Variants in PAK1 observed in about 807,000 individuals in gnomAD.
PAK1 encodes p21 (RAC1) activated kinase 1.
PAK1 carries 29 observed loss-of-function variants against 67.4 expected under a neutral mutation model. The observed-to-expected ratio is 0.43, with a 90% confidence interval of 0.32 to 0.59. The LOEUF is 0.59. Among genes scored for constraint, PAK1 ranks in the 20% least tolerant of loss-of-function variants. The probability of loss-of-function intolerance (pLI) is 0.07; values close to 1 mark genes in which losing one functional copy is unlikely to be tolerated. For synonymous variants in PAK1, 223 were observed against 237.4 expected (o/e 0.94, Z 0.56); for missense variants, 337 against 670.7 (o/e 0.50, Z 5.50).
At chr11:77,390,830 A>G (rs1592185368) in intron 2 of PAK1, among the ~76,000 whole-genome samples, 1 of 152,146 alleles carries the variant, frequency 6.6e-6, no homozygotes, top group African/African-American at 2.4e-5. Flanking sequence ...CACCAAACCC[A>G]AAGGGAAGTG....
intron 1 of PAK1, among the ~76,000 whole-genome samples, chr11:77,471,489 A>G (rs911154621): frequency 4.6e-5 from 7 of 152,208 alleles, no homozygotes; most frequent in Non-Finnish European, 8.8e-5. Flanking sequence ...CTATGCAGGA[A>G]AAGGAGAGAC....
chr11:77,523,420 CTTTT>C, the PAK1 span, among the ~76,000 whole-genome samples: 1 of 140,320 alleles, frequency 7.1e-6, no homozygotes, highest in African/African-American at 2.6e-5. Flanking sequence ...ATGCTTTCTA[CTTTT>C]TTTTTTTTTT....
At chr11:77,456,523 C>G (rs1223822610) in intron 1 of PAK1, among the ~76,000 whole-genome samples, 1 of 152,096 alleles carries the variant, frequency 6.6e-6, no homozygotes, top group Non-Finnish European at 1.5e-5. Flanking sequence ...GGCTTATATT[C>G]TAATTGAAGA....
the PAK1 span, among the ~76,000 whole-genome samples, chr11:77,487,936 A>G: frequency 1.6e-4 from 25 of 152,160 alleles, no homozygotes; most frequent in African/African-American, 6.0e-4. Flanking sequence ...CATAGGAAGT[A>G]CCAGGCAGTA....
the PAK1 span, among the ~76,000 whole-genome samples, chr11:77,488,416 A>G: frequency 1.3e-5 from 2 of 152,200 alleles, no homozygotes; most frequent in Non-Finnish European, 1.5e-5. Context: ...AAGACCATCT[A>G]TGAAAACATG....
chr11:77,324,282 C>A (rs966634469), intron 14 of PAK1, among the ~76,000 whole-genome samples: 1 of 150,176 alleles, frequency 6.7e-6, no homozygotes, highest in African/African-American at 2.5e-5. Flanking sequence ...AAGCAATTCT[C>A]CTGCCTCAAC....
intron 1 of PAK1, among the ~76,000 whole-genome samples, chr11:77,434,149 AG>A (rs991733602): frequency 3.0e-4 from 45 of 152,174 alleles, no homozygotes; most frequent in Admixed American, 1.6e-3. Context: ...ATATACTTAA[AG>A]GTAAATGAAA....
At chr11:77,495,428 C>T in the PAK1 span, among the ~76,000 whole-genome samples, 1 of 152,022 alleles carries the variant, frequency 6.6e-6, no homozygotes, top group Non-Finnish European at 1.5e-5. Flanking sequence ...GAGCCAAGAT[C>T]GCACAACTGC....
chr11:77,445,729 T>C (rs574388656), intron 1 of PAK1, among the ~76,000 whole-genome samples: 1 of 152,332 alleles, frequency 6.6e-6, no homozygotes, highest in Admixed American at 6.5e-5. Flanking sequence ...ATACATAATA[T>C]CTATCACATA....
chr11:77,410,053 G>C (rs1440224548), intron 1 of PAK1, among the ~76,000 whole-genome samples: 1 of 151,994 alleles, frequency 6.6e-6, no homozygotes, highest in Non-Finnish European at 1.5e-5. Context: ...CTTCAAAAGA[G>C]CACTGTCTTC....
intron 7 of PAK1, among the ~76,000 whole-genome samples, 189 bp downstream of exon 7, chr11:77,355,479 T>G (rs975240234): frequency 6.6e-6 from 1 of 152,110 alleles, no homozygotes; most frequent in African/African-American, 2.4e-5. Context: ...ATCTCCATCC[T>G]AACATAGTAT....
chr11:77,504,024 G>A, the PAK1 span, among the ~76,000 whole-genome samples: 2,117 of 151,846 alleles, frequency 0.014, 60 homozygotes, highest in African/African-American at 0.049. Flanking sequence ...CCCAAGTAGC[G>A]GGGATTATAG....
chr11:77,453,898 G>GA (rs748868107), intron 1 of PAK1, among the ~76,000 whole-genome samples: 6 of 152,130 alleles, frequency 3.9e-5, no homozygotes, highest in Admixed American at 1.3e-4. Flanking sequence ...CTGGCAATAT[G>GA]GCGAAACCCC....
At chr11:77,467,689 A>G (rs1367237391) in intron 1 of PAK1, among the ~76,000 whole-genome samples, 5 of 152,254 alleles carry the variant, frequency 3.3e-5, no homozygotes, top group Non-Finnish European at 7.3e-5. Context: ...TCATAGTCAT[A>G]AAATTACAAA....
chr11:77,402,345 C>G (rs925178845), intron 1 of PAK1, among the ~76,000 whole-genome samples: 3 of 152,082 alleles, frequency 2.0e-5, no homozygotes, highest in African/African-American at 7.2e-5. Flanking sequence ...TCCTCCCCAC[C>G]CCCATCCGCA....
intron 1 of PAK1, 51 bp from the exon 2 acceptor site, chr11:77,392,592 A>C (rs1951276825): frequency 3.5e-6 from 5 of 1,414,432 alleles, no homozygotes; most frequent in African/African-American, 2.9e-5. Context: ...TTTGACCAAA[A>C]GGAAATACAT....
At chr11:77,332,667 A>C in intron 14 of PAK1, 63 bp downstream of exon 14, 1 of 1,360,720 alleles carries the variant, frequency 7.3e-7, no homozygotes, top group Non-Finnish European at 1.0e-6. Context: ...ACAAACATGA[A>C]GTAAAAAAGG....
At chr11:77,500,254 G>A in the PAK1 span, among the ~76,000 whole-genome samples, 1 of 151,818 alleles carries the variant, frequency 6.6e-6, no homozygotes, top group Non-Finnish European at 1.5e-5. Context: ...GGATCACAAG[G>A]TCAGGAGTTC....
intron 1 of PAK1, among the ~76,000 whole-genome samples, chr11:77,472,486 T>C (rs1453609297): frequency 6.6e-6 from 1 of 152,196 alleles, no homozygotes; most frequent in African/African-American, 2.4e-5. Flanking sequence ...TTCAGTGGAC[T>C]CTTGAAAGCT....
Sources: allele counts gnomAD v4.1 joint callset (sites outside exome capture counted in the v4.1 genomes callset), GRCh38; gene constraint gnomAD v4.1.1; transcripts MANE v1.5; gene names NCBI Gene and HGNC (gene_info 2026-07-23, HGNC 2026-07-21).